The following MCM3AP variants were observed in gnomAD, a reference collection of about 807,000 sequenced individuals.
MCM3AP encodes germinal-center associated nuclear protein.
MCM3AP carries 126 observed loss-of-function variants against 184.1 expected under a neutral mutation model. The observed-to-expected ratio is 0.68, with a 90% CI of 0.59 to 0.79. The LOEUF (loss-of-function observed/expected upper bound fraction) is 0.79. Among genes scored for constraint, MCM3AP ranks in the 30% least tolerant of loss-of-function variants. MCM3AP has a pLI of 0.00. For synonymous variants in MCM3AP, 1,002 were observed against 979.3 expected, an observed-to-expected ratio of 1.02 and a Z score of -0.43; for missense variants, 2,496 against 2,479.2, an observed-to-expected ratio of 1.01 and a Z score of -0.14.
At chr21:46,258,103 G>A (rs1461165077) in intron 16 of MCM3AP, among the ~76,000 whole-genome samples, 1 of 152,126 alleles carries the variant, frequency 6.6e-6, no homozygotes, top group Non-Finnish European at 1.5e-5. Flanking sequence ...GAGCAAAGCA[G>A]GGATCATGAG....
At chr21:46,264,329 CCT>C (rs1191562715) in intron 12 of MCM3AP, 112 bp from the exon 13 acceptor site, 11 of 653,172 alleles carry the variant, frequency 1.7e-5, no homozygotes, top group Middle Eastern at 8.5e-4. Context: ...AAGCACAACC[CCT>C]GACACGGGGT....
chr21:46,235,380 G>T lies in MCM3AP; in HGVS notation c.5831C>A (p.Thr1944Lys). 1 of 1,614,052 alleles carries T rather than the reference G, an allele frequency of 6.2e-7. No individual in the cohort carries two copies. The highest frequency in any genetic ancestry group is 8.5e-7 in the Non-Finnish European group (1 of 1,179,990). The change falls in exon 28 of 28, where the codon ACG becomes AAG. Residue 1944 changes from threonine to lysine, a missense_variant. Around this residue, in one of 5 missense-constraint regions of MCM3AP, gnomAD observed 1,323 missense variants for 1,273.4 expected, o/e 1.04. Transcript: ENST00000291688. ...GTGCTTTAGTCGTTCGCCTAGACAC[G>T]TTCCTGTCGCCTCTGACAGCTGCAG... ...EQLQLSEATG[T>K]CLGERLKHLE...
intron 13 of MCM3AP, among the ~76,000 whole-genome samples, chr21:46,262,802 C>G (rs1187777420): frequency 1.3e-5 from 2 of 148,292 alleles, no homozygotes; most frequent in African/African-American, 5.0e-5. Flanking sequence ...CCTGTCTCTA[C>G]TAAAAATACA....
chr21:46,264,206 C>G lies in MCM3AP; in HGVS notation c.3246G>C (p.Gln1082His). 1 of 1,612,132 alleles carries G rather than the reference C, an allele frequency of 6.2e-7. No homozygotes were observed. Among genetic ancestry groups the G allele is most frequent in the African/African-American group, 1.3e-5 (1 of 75,008 alleles). Reference sequence around the variant, plus strand: ...CCTCCTGGATGAGCTCGTCCACCACCTGCGCCAGGTCCTGTGGAGAGACCA... The same window carrying G: ...CCTCCTGGATGAGCTCGTCCACCACGTGCGCCAGGTCCTGTGGAGAGACCA... The part of the protein sequence containing the change: ...VPMYSDEDLA[Q>H]VVDELIQEAL... The change falls in exon 13 of 28, where the codon CAG becomes CAC. Residue 1082 changes from glutamine (Q) to histidine (H), a missense_variant. Gln to His is a conservative substitution (Grantham distance 24). Coordinates refer to ENST00000291688, the MANE Select transcript of MCM3AP (RefSeq NM_003906.5).
chr21:46,285,198 G>A lies in MCM3AP; in HGVS notation c.89C>T (p.Pro30Leu). 9 of 1,614,270 alleles carry A rather than the reference G, an allele frequency of 5.6e-6. No individual in the cohort carries two copies. The highest frequency in any genetic ancestry group is 7.6e-6 in the Non-Finnish European group (9 of 1,180,046). Residue 30 changes from proline (P) to leucine (L), a missense_variant, in exon 1 of 28, where the codon CCA (proline) becomes CTA (leucine). This residue lies in a region of MCM3AP where 800 missense variants were observed against 717.1 expected (regional missense o/e 1.12). Transcript: ENST00000291688. ...SNVGTLPSKP[P>L]FRFGQPSLFG... ...AAGAGAAGGTTGACCAAATCGAAAT[G>A]GCGGCTTAGATGGAAGTGTTCCTAC... is the stretch of plus-strand genomic sequence containing the variant.
At chr21:46,272,000 A>G (rs1320790758) in intron 8 of MCM3AP, among the ~76,000 whole-genome samples, 1 of 151,974 alleles carries the variant, frequency 6.6e-6, no homozygotes, top group African/African-American at 2.4e-5. Flanking sequence ...GACACTGTCC[A>G]CCATAAGTCC....
At chr21:46,253,589 G>A (rs1971775538) in intron 19 of MCM3AP, 1 of 152,082 alleles carries the variant, frequency 6.6e-6, no homozygotes, top group African/African-American at 2.4e-5. Flanking sequence ...TCTCATGATA[G>A]TGAGCTCTCA....
Position 46,272,622 on chromosome 21 carries a change from T to C in MCM3AP, c.2404A>G (p.Ser802Gly). ...TTGTAGCCCTGGAACTCCGCTTCGC[T>C]GGCACAGAAGACACCCTTGTTTCTC... ...DLRNKGVFCA[S>G]EAEFQGYNVL... The change falls in exon 8 of 28, where the codon AGC becomes GGC. Residue 802 changes from serine (S) to glycine (G), a missense_variant. Ser to Gly is a moderately conservative substitution (Grantham distance 56). Coordinates refer to ENST00000291688, the MANE Select transcript of MCM3AP (RefSeq NM_003906.5). 1 of 1,614,226 alleles carries C rather than the reference T, an allele frequency of 6.2e-7. No homozygotes were observed. Among genetic ancestry groups the C allele is most frequent in the Non-Finnish European group, 8.5e-7 (1 of 1,180,030 alleles).
chr21:46,243,221 C>CA (rs1304034678), intron 24 of MCM3AP, among the ~76,000 whole-genome samples: 1 of 152,138 alleles, frequency 6.6e-6, no homozygotes, highest in African/African-American at 2.4e-5. Context: ...TCAAAAGCCA[C>CA]AAAATCCTCT....
chr21:46,270,032 A>C (rs1021444362), intron 9 of MCM3AP, among the ~76,000 whole-genome samples: 10 of 152,228 alleles, frequency 6.6e-5, no homozygotes, highest in Admixed American at 5.2e-4. Context: ...CTCACTCCAG[A>C]AACTTCGATT....
At chr21:46,273,980 C>T (rs1326029289) in intron 6 of MCM3AP, among the ~76,000 whole-genome samples, 1 of 152,226 alleles carries the variant, frequency 6.6e-6, no homozygotes, top group Non-Finnish European at 1.5e-5. Flanking sequence ...GTGAGGACTG[C>T]TGAGGACACA....
intron 20 of MCM3AP, chr21:46,247,199 C>T (rs1005543836): frequency 3.6e-6 from 1 of 276,986 alleles, no homozygotes; most frequent in Admixed American, 4.7e-5. Context: ...AGCAGTCCTC[C>T]TGGTTCAGCC....
At chr21:46,238,798 A>G (rs1182934138) in intron 26 of MCM3AP, among the ~76,000 whole-genome samples, 1 of 152,216 alleles carries the variant, frequency 6.6e-6, no homozygotes, top group Non-Finnish European at 1.5e-5. Flanking sequence ...CTTCCAAAAC[A>G]TATTCATTAA....
In MCM3AP at chr21:46,240,795, A is replaced by G. The variant is rs2080647714; in HGVS notation, c.5633+16T>C. Reference sequence around the variant, plus strand: ...GCAGACTAAACACACATGAATTAGAAGGAAGTGGGCTTCACCTCTTGTTCT... The same window carrying G: ...GCAGACTAAACACACATGAATTAGAGGGAAGTGGGCTTCACCTCTTGTTCT... On this transcript the variant is annotated intron_variant, in intron 26 of 27. Transcript: ENST00000291688. 1 of 1,610,690 alleles carries G rather than the reference A, an allele frequency of 6.2e-7. No homozygotes were observed. The highest frequency in any genetic ancestry group is 8.5e-7 in the Non-Finnish European group (1 of 1,177,842).
intron 27 of MCM3AP, among the ~76,000 whole-genome samples, chr21:46,236,552 A>G (rs1460172462): frequency 6.6e-6 from 1 of 152,242 alleles, no homozygotes; most frequent in Non-Finnish European, 1.5e-5. Flanking sequence ...CATCACCTTA[A>G]TGCCCTTAAT....
intron 7 of MCM3AP, among the ~76,000 whole-genome samples, chr21:46,273,099 C>T (rs938927586): frequency 1.3e-5 from 2 of 151,930 alleles, no homozygotes; most frequent in South Asian, 2.1e-4. Flanking sequence ...TTCAGCCGCT[C>T]GAGTAGCTGG....
intron 10 of MCM3AP, chr21:46,266,762 T>A (rs918979282): frequency 1.3e-5 from 7 of 549,106 alleles, no homozygotes; most frequent in African/African-American, 1.1e-4. Context: ...GGACTGATTT[T>A]GGAGTCACAA....
chr21:46,273,423 C>T lies in MCM3AP; in HGVS notation c.2161G>A (p.Asp721Asn). 1 of 1,614,042 alleles carries T rather than the reference C, an allele frequency of 6.2e-7. No homozygotes were observed. Among genetic ancestry groups the T allele is most frequent in the Non-Finnish European group, 8.5e-7 (1 of 1,179,882 alleles). Residue 721 changes from aspartate (D) to asparagine (N), a missense_variant, in exon 7 of 28, where the codon GAC (aspartate) becomes AAC (asparagine). By Grantham distance (23) the Asp-to-Asn change is conservative. Transcript: ENST00000291688. Reference protein sequence around the residue: ...QKEGSLRDWYDFVWNRTRGIR... With the variant: ...QKEGSLRDWYNFVWNRTRGIR... ...CCACGCGTGCGGTTCCACACGAAGT[C>T]ATACCAATCCCGCAGGCTGCCCTCC...
chr21:46,254,787 C>A lies in MCM3AP; in HGVS notation c.3990G>T (p.Gln1330His), dbSNP rs1181543881. ...AHQMKVQHFY[Q>H]QLLSDVAWAS... ...GCAGCATGACAGACCTCAGCAGCTG[C>A]TGGTAGAAGTGCTGAACCTTCATCT... The change falls in exon 18 of 28, where the codon CAG becomes CAT. Residue 1330 changes from glutamine (Q) to histidine (H), a missense_variant. This residue lies in a region of MCM3AP where 1,323 missense variants were observed against 1,273.4 expected (regional missense o/e 1.04). Transcript: ENST00000291688. 1 of 1,613,784 alleles carries A rather than the reference C, an allele frequency of 6.2e-7. No individual in the cohort carries two copies. The highest frequency in any genetic ancestry group is 1.3e-5 in the African/African-American group (1 of 74,920).
Sources: allele counts gnomAD v4.1 joint callset (sites outside exome capture counted in the v4.1 genomes callset), GRCh38; gene constraint gnomAD v4.1.1; regional missense constraint gnomAD v4.1.1; transcripts MANE v1.5; gene names NCBI Gene and HGNC (gene_info 2026-07-23, HGNC 2026-07-21).